TDG: variants seen among roughly 807,000 people sequenced by gnomAD.
TDG encodes thymine DNA glycosylase.
TDG carries 23 observed loss-of-function variants against 46.1 expected under a neutral mutation model. The ratio of observed to expected loss-of-function variants is 0.50; its 90% CI spans 0.36 to 0.71. The LOEUF (loss-of-function observed/expected upper bound fraction) is 0.71, where lower values mean the gene tolerates loss of function less well. Among genes scored for constraint, TDG ranks in the 30% least tolerant of loss-of-function variants. TDG has a pLI of 0.00. For missense variants in TDG, 304 were observed against 486.7 expected, an observed-to-expected ratio of 0.62 and a Z score of 3.53; for synonymous variants, 115 against 161.3, an observed-to-expected ratio of 0.71 and a Z score of 2.18.
intron 1 of TDG, among the ~76,000 whole-genome samples, chr12:103,974,143 C>G (rs991986765): frequency 1.3e-5 from 2 of 152,070 alleles, no homozygotes; most frequent in South Asian, 2.1e-4. Context: ...CCTTTGTTTC[C>G]CCAGGCCATT....
At position 103,987,144 on chromosome 12, in the gene TDG, C is replaced by G. The variant is rs1872203916; in HGVS notation, c.*54C>G. The G allele has an allele frequency of 6.3e-7, 1 of 1,594,496 alleles. No individual in the cohort carries two copies. Among genetic ancestry groups the G allele is most frequent in the South Asian group, 1.1e-5 (1 of 90,356 alleles). The stretch of plus-strand genomic sequence containing the variant: ...GCTGCAGTTTTAATGCAGTTGTCAA[C>G]AAGTAGAACCTCAGTTTGCTAACTG... On this transcript the variant is annotated 3_prime_UTR_variant, in exon 10 of 10. Transcript: ENST00000392872.
intron 7 of TDG, 26 bp from the exon 8 acceptor site, chr12:103,984,723 G>A: frequency 7.2e-7 from 1 of 1,382,920 alleles, no homozygotes; most frequent in South Asian, 1.9e-5. Context: ...TAAGATTTCT[G>A]AAATTATAAA....
chr12:103,980,430 G>C (rs1871768384), intron 3 of TDG: 1 of 250,204 alleles, frequency 4.0e-6, no homozygotes, highest in Non-Finnish European at 7.6e-6. Context: ...GATGCCTGTG[G>C]AGACCTGATA....
At chr12:103,980,763 G>T in intron 3 of TDG, 130 bp from the exon 4 acceptor site, 1 of 689,370 alleles carries the variant, frequency 1.5e-6, no homozygotes, top group Admixed American at 2.7e-5. Context: ...ATTGATAAAT[G>T]ATATTGCTTA....
At position 103,965,897 on chromosome 12, in the gene TDG, C is replaced by G; in HGVS notation, c.-141C>G. Reference sequence around the variant, plus strand: ...AGAAGCCTGGAGGAGGAGCTTGAGTCCAGCCACTGTCTGGGTACTGCCAGC... The same window carrying G: ...AGAAGCCTGGAGGAGGAGCTTGAGTGCAGCCACTGTCTGGGTACTGCCAGC... On this transcript the variant is annotated 5_prime_UTR_variant, in exon 1 of 10. Transcript: ENST00000392872. 7.5e-7 allele frequency: 1 copy of G among 1,328,012 alleles called. No homozygotes were observed. The highest frequency in any genetic ancestry group is 1.0e-6 in the Non-Finnish European group (1 of 980,426). 82.3% of individuals were successfully genotyped at this position (1,328,012 alleles called of 1,614,324 possible). A position where few individuals can be genotyped will look rare whatever the true frequency, so the allele number is the denominator to read the frequency against.
At chr12:103,972,896 T>A (rs1871345632) in intron 1 of TDG, 3 of 615,726 alleles carry the variant, frequency 4.9e-6, no homozygotes, top group African/African-American at 1.9e-5. Context: ...TTTTGAAAAA[T>A]TTTTTTAAAG....
rs1043885905 is a variant in TDG at position 103,966,063 on chromosome 12, A to T, written c.23+3A>T. The T allele has an allele frequency of 6.3e-7, 1 of 1,582,512 alleles. No individual in the cohort carries two copies. Among genetic ancestry groups the T allele is most frequent in the African/African-American group, 1.4e-5 (1 of 73,194 alleles). On this transcript the variant is annotated splice_donor_region_variant and intron_variant, in intron 1 of 9. Transcript: ENST00000392872. Reference sequence around the variant, plus strand: ...ATGGAAGCGGAGAACGCGGGCAGGTAATACCGGGGCCAGCGCCGCCCCTCC... The same window carrying T: ...ATGGAAGCGGAGAACGCGGGCAGGTTATACCGGGGCCAGCGCCGCCCCTCC...
chr12:103,973,871 A>G (rs951938007), intron 1 of TDG, among the ~76,000 whole-genome samples: 9 of 152,148 alleles, frequency 5.9e-5, no homozygotes, highest in African/African-American at 1.9e-4. Context: ...TTTTAGCTGC[A>G]TAGTATTTTC....
chr12:103,977,699 C>T (rs1871607127), intron 2 of TDG, among the ~76,000 whole-genome samples: 1 of 152,198 alleles, frequency 6.6e-6, no homozygotes, highest in African/African-American at 2.4e-5. Context: ...GGATGACTTA[C>T]TTGACTGGTG....
intron 1 of TDG, among the ~76,000 whole-genome samples, chr12:103,970,358 G>A (rs1269580192): frequency 6.6e-6 from 1 of 152,062 alleles, no homozygotes; most frequent in African/African-American, 2.4e-5. Context: ...TGTACCTGTA[G>A]TCCCAGCTGC....
intron 5 of TDG, 32 bp downstream of exon 5, chr12:103,982,966 G>C: frequency 6.2e-7 from 1 of 1,611,184 alleles, no homozygotes; most frequent in African/African-American, 1.3e-5. Flanking sequence ...TTATGGGTTG[G>C]AACCTTGAGT....
chr12:103,979,873 C>A lies in TDG; in HGVS notation c.209C>A (p.Pro70Gln). 1 of 1,596,462 alleles carries A rather than the reference C, an allele frequency of 6.3e-7. No individual in the cohort carries two copies. Among genetic ancestry groups the A allele is most frequent in the South Asian group, 1.2e-5 (1 of 86,688 alleles). ...GRKRKPRTTE[P>Q]KQPVEPKKPV... ...AAAAGAAAACCCAGAACAACAGAACCAAAACAACCAGTGGAACCCAAAAAA... is the reference window on the plus strand; with the variant it reads ...AAAAGAAAACCCAGAACAACAGAACAAAAACAACCAGTGGAACCCAAAAAA... Residue 70 changes from proline to glutamine, a missense_variant, in exon 3 of 10, where the codon CCA (proline) becomes CAA (glutamine). Pro to Gln is a moderately conservative substitution (Grantham distance 76). Transcript: ENST00000392872.
At chr12:103,975,585 G>A (rs992918474) in intron 1 of TDG, among the ~76,000 whole-genome samples, 12 of 152,254 alleles carry the variant, frequency 7.9e-5, no homozygotes, top group African/African-American at 2.6e-4. Flanking sequence ...TCCACTCATC[G>A]TGTTATCAGG....
At chr12:103,985,476 A>G in intron 8 of TDG, 127 bp from the exon 9 acceptor site, 4 of 1,121,726 alleles carry the variant, frequency 3.6e-6, no homozygotes, top group Non-Finnish European at 4.8e-6. Flanking sequence ...AGTTTAAAAG[A>G]TTAATAGAGA....
intron 2 of TDG, among the ~76,000 whole-genome samples, chr12:103,979,156 G>GCAGAGGCATGATCT (rs1871691738): frequency 7.2e-6 from 1 of 138,046 alleles, no homozygotes; most frequent in Non-Finnish European, 1.5e-5. Flanking sequence ...AGGCTGGAAT[G>GCAGAGGCATGATCT]CAGAGGCATG....
At chr12:103,966,222 C>G (rs1871012152) in intron 1 of TDG, among the ~76,000 whole-genome samples, 162 bp downstream of exon 1, 1 of 152,240 alleles carries the variant, frequency 6.6e-6, no homozygotes, top group Admixed American at 6.5e-5. Context: ...CCTTCCCTGG[C>G]TGCGGCGGTG....
At chr12:103,982,075 A>G (rs1182257491) in intron 4 of TDG, among the ~76,000 whole-genome samples, 2 of 152,210 alleles carry the variant, frequency 1.3e-5, no homozygotes, top group South Asian at 2.1e-4. Context: ...TGCCTTCTCT[A>G]TATAAGTTGT....
chr12:103,979,535 T>C (rs1871714271), intron 2 of TDG, among the ~76,000 whole-genome samples: 1 of 152,198 alleles, frequency 6.6e-6, no homozygotes, highest in African/African-American at 2.4e-5. Context: ...TGTAGATACT[T>C]TGTATCCTTG....
rs536238603 is a variant in TDG at position 103,978,579 on chromosome 12, G to C, written c.167-1252G>C. 4.6e-5 allele frequency among the ~76,000 whole-genome samples: 7 copies of C among 152,280 alleles called. No homozygotes were observed. In the East Asian group the frequency reaches 7.7e-4, roughly 17 times the overall value. On this transcript the variant is annotated intron_variant, in intron 2 of 9. Transcript: ENST00000392872. ...GGCTAAGACAATGTGAGGCAGAAGA[G>C]AGGAGGGACTGACTGCCTGTATCCT...
Sources: gnomAD v4.1 joint callset for allele counts (sites outside exome capture counted in the v4.1 genomes callset) on GRCh38, gnomAD v4.1.1 for gene constraint, MANE v1.5 for transcripts, NCBI Gene and HGNC (gene_info 2026-07-23, HGNC 2026-07-21) for gene names.